Variants in SLC8B1 observed in about 807,000 individuals in gnomAD.
SLC8B1 encodes the protein solute carrier family 8 member B1, also known as mitochondrial sodium/calcium exchanger protein.
Under a neutral mutation model 63.4 loss-of-function variants are expected in SLC8B1, and 52 were observed. The ratio of observed to expected loss-of-function variants is 0.82; its 90% CI spans 0.66 to 1.03. The LOEUF (loss-of-function observed/expected upper bound fraction) is 1.03. SLC8B1 is among the 50% of genes least tolerant of loss of function. The pLI, the probability that SLC8B1 is intolerant of heterozygous loss-of-function variation, is 0.00. For synonymous variants in SLC8B1, 336 were observed against 323.9 expected, an observed-to-expected ratio of 1.04 and a Z score of -0.40; for missense variants, 657 against 741.7, an observed-to-expected ratio of 0.89 and a Z score of 1.33.
intron 8 of SLC8B1, among the ~76,000 whole-genome samples, chr12:113,318,213 A>G (rs1956865222): frequency 7.0e-6 from 1 of 143,044 alleles, no homozygotes; most frequent in Non-Finnish European, 1.6e-5. Context: ...ATGTATTCAT[A>G]TATGTGTTGT....
Position 113,315,373 on chromosome 12 carries a change from C to A in SLC8B1, c.1097G>T (p.Ser366Ile). ...CAGGGTCAGGACCACAACCAGGGGG[C>A]TGATAACCAGATGCAGACAGTTGAG... ...RPLNCLHLVI[S>I]PLVVVLTLQS... is the part of the protein sequence containing the mutation. The change falls in exon 11 of 16, where the codon AGC becomes ATC. Residue 366 changes from serine (S) to isoleucine (I), a missense_variant. By Grantham distance (142) the Ser-to-Ile change is moderately radical. Coordinates refer to ENST00000680972, the MANE Select transcript of SLC8B1 (RefSeq NM_001358345.2). 1.3e-6 allele frequency: 2 copies of A among 1,559,306 alleles called. No individual in the cohort carries two copies. Among genetic ancestry groups the A allele is most frequent in the Non-Finnish European group, 1.7e-6 (2 of 1,151,112 alleles).
At chr12:113,308,042 T>C in intron 12 of SLC8B1, 198 bp from the exon 13 acceptor site, 2 of 645,132 alleles carry the variant, frequency 3.1e-6, no homozygotes, top group South Asian at 2.5e-5. Context: ...ATTTTCTTTT[T>C]TCCTTAATAA....
At chr12:113,321,433 G>A in intron 2 of SLC8B1, 85 bp from the exon 3 acceptor site, 1 of 1,577,696 alleles carries the variant, frequency 6.3e-7, no homozygotes, top group Non-Finnish European at 8.7e-7. Context: ...TAAACATAAT[G>A]TCCCTTCAGC....
chr12:113,321,132 G>A, intron 3 of SLC8B1, 24 bp from the exon 4 acceptor site: 1 of 1,613,974 alleles, frequency 6.2e-7, no homozygotes, highest in African/African-American at 1.3e-5. Context: ...GGGCGAGGAA[G>A]GGAGAGTCAA....
chr12:113,326,683 CTTTT>C (rs561363613), intron 2 of SLC8B1, among the ~76,000 whole-genome samples: 1 of 144,788 alleles, frequency 6.9e-6, no homozygotes, highest in Non-Finnish European at 1.5e-5. Flanking sequence ...CTTTCTCTCT[CTTTT>C]TTTTTTTTTG....
At chr12:113,327,850 T>G (rs1425202697) in intron 2 of SLC8B1, among the ~76,000 whole-genome samples, 13 of 151,684 alleles carry the variant, frequency 8.6e-5, no homozygotes, top group Non-Finnish European at 1.5e-5. Flanking sequence ...TGGTGGCAGA[T>G]GTCTGTAATC....
intron 2 of SLC8B1, among the ~76,000 whole-genome samples, chr12:113,327,709 G>T (rs538114859): frequency 6.7e-6 from 1 of 150,190 alleles, no homozygotes; most frequent in African/African-American, 2.4e-5. Context: ...TAGGCTGGGC[G>T]CGGTGGGTCA....
intron 2 of SLC8B1, among the ~76,000 whole-genome samples, chr12:113,324,110 G>A (rs902647470): frequency 6.6e-6 from 1 of 152,054 alleles, no homozygotes; most frequent in Non-Finnish European, 1.5e-5. Flanking sequence ...CCAGGAGTTT[G>A]AGACCAACTT....
At chr12:113,312,909 T>C (rs1044912472) in intron 11 of SLC8B1, among the ~76,000 whole-genome samples, 52 of 152,158 alleles carry the variant, frequency 3.4e-4, no homozygotes, top group African/African-American at 1.2e-3. Context: ...TACTTTTTTT[T>C]TTCTTTTCTA....
Position 113,320,456 on chromosome 12 carries a change from G to GT in SLC8B1, c.568dup (p.Thr190AsnfsTer92). 1 of 1,614,160 alleles carries GT rather than the reference G, an allele frequency of 6.2e-7. No individual in the cohort carries two copies. Among genetic ancestry groups the GT allele is most frequent in the South Asian group, 1.1e-5 (1 of 91,082 alleles). On this transcript the variant is annotated frameshift_variant, in exon 7 of 16. Coordinates refer to ENST00000680972, the MANE Select transcript of SLC8B1 (RefSeq NM_001358345.2). LOFTEE classifies it high-confidence loss of function. The surrounding 1 kb of genome is among the most constrained non-coding windows in gnomAD (Gnocchi z 5.3). ...GGCAGCCATGAAGGGGTGTAGGATGGTAATGCCTCCGGCCACCACTGTGGT... is the reference window on the plus strand; with the variant it reads ...GGCAGCCATGAAGGGGTGTAGGATGGTTAATGCCTCCGGCCACCACTGTGGT...
At chr12:113,314,121 G>A (rs1327560890) in intron 11 of SLC8B1, among the ~76,000 whole-genome samples, 2 of 152,264 alleles carry the variant, frequency 1.3e-5, no homozygotes, top group African/African-American at 2.4e-5. Flanking sequence ...CCGCTCCGTA[G>A]AGAATGGATG....
intron 2 of SLC8B1, among the ~76,000 whole-genome samples, chr12:113,331,312 C>T (rs140379985): frequency 0.013 from 1,943 of 150,092 alleles, 38 homozygotes; most frequent in African/African-American, 0.045. Flanking sequence ...CGCTTGAACC[C>T]GGGAGGTGGA....
In SLC8B1 at chr12:113,320,047, C is replaced by T. The variant is rs1455829233; in HGVS notation, c.694+284G>A. ...AACCAAAGTGATCCTCCTGCCTCAGCCTCTCAAATTGCTGGGATGATAGGT... is the reference window on the plus strand; with the variant it reads ...AACCAAAGTGATCCTCCTGCCTCAGTCTCTCAAATTGCTGGGATGATAGGT... On this transcript the variant is annotated intron_variant, in intron 7 of 15. Coordinates refer to ENST00000680972, the MANE Select transcript of SLC8B1 (RefSeq NM_001358345.2). The surrounding 1 kb of genome is among the most constrained non-coding windows in gnomAD (Gnocchi z 5.3). 6 of 365,426 alleles carry T rather than the reference C, an allele frequency of 1.6e-5. No homozygotes were observed. The East Asian group carries it at 3.2e-4, about 19-fold the overall frequency. 22.6% of individuals were successfully genotyped at this position (365,426 alleles called of 1,614,324 possible).
intron 8 of SLC8B1, among the ~76,000 whole-genome samples, chr12:113,318,507 G>GTT (rs1875379385): frequency 6.6e-6 from 1 of 151,684 alleles, no homozygotes; most frequent in Non-Finnish European, 1.5e-5. Context: ...GTGTGTGCAT[G>GTT]TATGTGTATG....
intron 15 of SLC8B1, 110 bp from the exon 16 acceptor site, chr12:113,300,084 A>G (rs1956558231): frequency 2.4e-6 from 2 of 817,518 alleles, no homozygotes; most frequent in African/African-American, 3.5e-5. Flanking sequence ...CTCAACAACA[A>G]TGCAGCCTCA....
rs1593231549 is a variant in SLC8B1 at position 113,299,609 on chromosome 12, ACACAGCAGTTCTCCCAGCT to A, written c.*149_*167del. 3.6e-5 allele frequency: 24 copies of A among 658,174 alleles called. No homozygotes were observed. In the East Asian group the frequency reaches 6.6e-4, roughly 18 times the overall value. The allele number at this position is 658,174 out of a possible 1,614,324, so 40.8% of individuals were successfully genotyped here. On this transcript the variant is annotated 3_prime_UTR_variant, in exon 16 of 16. Coordinates refer to ENST00000680972, the MANE Select transcript of SLC8B1 (RefSeq NM_001358345.2). ...CTGTTGGGTGCTGGCAGCAAGAGGT[ACACAGCAGTTCTCCCAGCT>A]CACAGCAGTGACCTCAGATCTCCAG...
intron 8 of SLC8B1, among the ~76,000 whole-genome samples, chr12:113,317,458 A>G (rs1956849629): frequency 6.6e-6 from 1 of 152,198 alleles, no homozygotes; most frequent in Non-Finnish European, 1.5e-5. Flanking sequence ...TACACAGTGA[A>G]AGTCTAATTC....
intron 2 of SLC8B1, among the ~76,000 whole-genome samples, chr12:113,324,402 C>CTTT (rs780610962): frequency 1.9e-4 from 25 of 130,826 alleles, no homozygotes; most frequent in Admixed American, 3.1e-4. Flanking sequence ...TCAGCTCTAC[C>CTTT]TTTTTTTTTT....
chr12:113,313,728 G>A (rs866580174), intron 11 of SLC8B1, among the ~76,000 whole-genome samples: 5 of 152,286 alleles, frequency 3.3e-5, no homozygotes, highest in Admixed American at 2.6e-4. Flanking sequence ...GACAGAGTGA[G>A]AGTCTGTCTC....
Sources: allele counts gnomAD v4.1 joint callset (sites outside exome capture counted in the v4.1 genomes callset), GRCh38; gene constraint gnomAD v4.1.1; non-coding constraint Gnocchi (gnomAD v3.1); transcripts MANE v1.5; gene names NCBI Gene and HGNC (gene_info 2026-07-23, HGNC 2026-07-21).